CSMD1: variants seen among roughly 807,000 people sequenced by gnomAD.
The protein encoded by CSMD1 is CUB and sushi domain-containing protein 1.
In CSMD1, 213 loss-of-function variants were observed where a neutral mutation model predicts 417.5. The observed-to-expected ratio is 0.51, with a 90% CI of 0.46 to 0.57. CSMD1 has a LOEUF of 0.57. CSMD1 is among the 20% of genes least tolerant of loss of function. The probability of loss-of-function intolerance (pLI) is 0.00; values close to 1 mark genes in which losing one functional copy is unlikely to be tolerated. For synonymous variants in CSMD1, 2,862 were observed against 1,736.8 expected, an observed-to-expected ratio of 1.65 and a Z score of -16.11; for missense variants, 6,923 against 4,529.7, an observed-to-expected ratio of 1.53 and a Z score of -15.17.
intron 1 of CSMD1, among the ~76,000 whole-genome samples, chr8:4,654,781 C>G (rs947288542): frequency 1.3e-5 from 2 of 152,024 alleles, no homozygotes; most frequent in African/African-American, 4.8e-5. Context: ...TCTGTGTACA[C>G]AGGCAGACAA....
At chr8:4,154,398 G>C (rs1247015289) in intron 3 of CSMD1, among the ~76,000 whole-genome samples, 2 of 152,194 alleles carry the variant, frequency 1.3e-5, no homozygotes, top group Admixed American at 6.5e-5. Flanking sequence ...TATTGTATAA[G>C]TATAGACAAA....
chr8:3,716,466 A>G (rs2720794), intron 6 of CSMD1, among the ~76,000 whole-genome samples: 137,312 of 152,236 alleles, frequency 0.9, 62,164 homozygotes, highest in Admixed American at 0.94. Context: ...GACCATATAG[A>G]GTAACTTTGT....
At chr8:3,280,064 C>A (rs180983415) in intron 26 of CSMD1, among the ~76,000 whole-genome samples, 4 of 151,674 alleles carry the variant, frequency 2.6e-5, no homozygotes, top group Non-Finnish European at 4.4e-5. Context: ...TGGGGCACAT[C>A]GGCCCCCGGG....
At chr8:4,779,287 T>A (rs1285485989) in intron 1 of CSMD1, among the ~76,000 whole-genome samples, 3 of 152,118 alleles carry the variant, frequency 2.0e-5, no homozygotes, top group South Asian at 2.1e-4. Context: ...TATAGGGGTT[T>A]TACCAAAATT....
intron 62 of CSMD1, 57 bp from the exon 63 acceptor site, chr8:2,957,864 C>T (rs1427657749): frequency 1.7e-6 from 2 of 1,162,586 alleles, no homozygotes; most frequent in Non-Finnish European, 2.5e-6. Context: ...GAAGTGTCAA[C>T]TAGTGATACC....
chr8:4,347,928 G>A (rs529822646), intron 3 of CSMD1, among the ~76,000 whole-genome samples: 1 of 152,112 alleles, frequency 6.6e-6, no homozygotes, highest in East Asian at 1.9e-4. Flanking sequence ...GGATAAAATA[G>A]GAGCACAAAA....
chr8:4,879,586 A>T (rs1803267649), intron 1 of CSMD1, among the ~76,000 whole-genome samples: 1 of 152,138 alleles, frequency 6.6e-6, no homozygotes, highest in Non-Finnish European at 1.5e-5. Flanking sequence ...TATAAAACGA[A>T]GAAGAAAATA....
chr8:4,788,672 T>C (rs1797535772), intron 1 of CSMD1: 5 of 592,186 alleles, frequency 8.4e-6, no homozygotes, highest in Non-Finnish European at 1.5e-5. Flanking sequence ...GAAAAGGTAA[T>C]TATAAATTAG....
At chr8:3,899,344 G>A (rs745848622) in intron 5 of CSMD1, among the ~76,000 whole-genome samples, 13 of 152,174 alleles carry the variant, frequency 8.5e-5, no homozygotes, top group Non-Finnish European at 2.9e-5. Context: ...GTGTGAGTTT[G>A]CTGGACAGAT....
chr8:4,578,368 A>T (rs1483958813), intron 2 of CSMD1, among the ~76,000 whole-genome samples: 60 of 85,970 alleles, frequency 7.0e-4, no homozygotes, highest in Admixed American at 1.0e-3. Flanking sequence ...TTTAGGACAG[A>T]CGGGGTTTCA....
chr8:3,491,488 A>G (rs965731514), intron 11 of CSMD1, among the ~76,000 whole-genome samples: 1 of 152,174 alleles, frequency 6.6e-6, no homozygotes, highest in African/African-American at 2.4e-5. Context: ...CATTATTATA[A>G]TAAGTTGTGG....
chr8:4,980,156 A>G (rs1810804258), intron 1 of CSMD1, among the ~76,000 whole-genome samples: 1 of 152,346 alleles, frequency 6.6e-6, no homozygotes, highest in Middle Eastern at 3.4e-3. Flanking sequence ...TGTAACACGC[A>G]CACACAGAGA....
At position 4,525,614 on chromosome 8, in the gene CSMD1, G is replaced by A. The variant is rs1023275326; in HGVS notation, c.303-105549C>T. 3.3e-5 allele frequency among the ~76,000 whole-genome samples: 5 copies of A among 152,178 alleles called. No individual in the cohort carries two copies. The South Asian group carries it at 6.2e-4, about 19-fold the overall frequency. On this transcript the variant is annotated intron_variant, in intron 2 of 69. Transcript: ENST00000635120. Reference sequence around the variant, plus strand: ...TTTATACATGAAGTATGAATTTGGTGCAAAAGTAATAGCGGTTTTTGTCAT... The same window carrying A: ...TTTATACATGAAGTATGAATTTGGTACAAAAGTAATAGCGGTTTTTGTCAT...
At chr8:4,436,909 A>G (rs2129639475) in intron 2 of CSMD1, among the ~76,000 whole-genome samples, 1 of 152,282 alleles carries the variant, frequency 6.6e-6, no homozygotes, top group East Asian at 1.9e-4. Context: ...TTCTTTATCC[A>G]TTCATCTGTT....
At chr8:4,889,592 A>C (rs1803972968) in intron 1 of CSMD1, among the ~76,000 whole-genome samples, 1 of 152,134 alleles carries the variant, frequency 6.6e-6, no homozygotes, top group South Asian at 2.1e-4. Context: ...ATGTCAAAAA[A>C]ATAGAAAAAA....
rs186519984 is a variant in CSMD1, at chr8:3,544,222, C to A, written c.1344+30723G>T. On this transcript the variant is annotated intron_variant, in intron 10 of 69. Transcript: ENST00000635120. Reference sequence around the variant, plus strand: ...GAAGAGATTGATAACGTTTACTAAACAGACCCAAAATTAAAAGTGCCCCGA... The same window carrying A: ...GAAGAGATTGATAACGTTTACTAAAAAGACCCAAAATTAAAAGTGCCCCGA... Among the ~76,000 whole-genome samples, 103 of 152,218 alleles carry A rather than the reference C, an allele frequency of 6.8e-4. 2 individuals carry two copies. The East Asian group carries it at 0.015, about 23-fold the overall frequency.
intron 5 of CSMD1, among the ~76,000 whole-genome samples, chr8:3,840,683 CTTTT>C (rs939551047): frequency 4.2e-5 from 6 of 143,892 alleles, no homozygotes; most frequent in South Asian, 2.3e-4. Context: ...GACCTCAATT[CTTTT>C]TTTTAATTTT....
intron 3 of CSMD1, among the ~76,000 whole-genome samples, chr8:4,297,311 G>C (rs1001920293): frequency 1.3e-5 from 2 of 152,012 alleles, no homozygotes; most frequent in Admixed American, 1.3e-4. Flanking sequence ...AAGATACTGA[G>C]AGAAAACCTG....
intron 3 of CSMD1, among the ~76,000 whole-genome samples, chr8:4,063,928 T>C (rs562764744): frequency 6.6e-6 from 1 of 152,288 alleles, no homozygotes; most frequent in South Asian, 2.1e-4. Context: ...AAATCATCTT[T>C]CATCCAGATT....
Sources: gnomAD v4.1 joint callset for allele counts (sites outside exome capture counted in the v4.1 genomes callset) on GRCh38, gnomAD v4.1.1 for gene constraint, MANE v1.5 for transcripts, NCBI Gene and HGNC (gene_info 2026-07-23, HGNC 2026-07-21) for gene names.